The following USP34 variants were observed in gnomAD, a reference collection of about 807,000 sequenced individuals.
The protein encoded by USP34 is ubiquitin carboxyl-terminal hydrolase 34.
USP34 carries 70 observed loss-of-function variants against 460.3 expected under a neutral mutation model. The ratio of observed to expected loss-of-function variants is 0.15; its 90% CI spans 0.13 to 0.19. The LOEUF is 0.19. Among genes scored for constraint, USP34 ranks in the 10% least tolerant of loss-of-function variants. USP34 has a pLI of 1.00. For missense variants in USP34, 3,985 were observed against 4,236.2 expected (o/e 0.94, Z 1.65); for synonymous variants, 1,647 against 1,405.3 (o/e 1.17, Z -3.85).
At position 61,188,658 on chromosome 2, in the gene USP34, T is replaced by A; in HGVS notation, c.10085A>T (p.Glu3362Val). Residue 3362 changes from glutamate (E) to valine (V), a missense_variant, in exon 80 of 80, where the codon GAG becomes GTG. By Grantham distance (121) the Glu-to-Val change is moderately radical (BLOSUM62 -2). This residue lies in a region of USP34 where 506 missense variants were observed against 439.0 expected (regional missense o/e 1.15). Coordinates refer to ENST00000398571, the MANE Select transcript of USP34 (RefSeq NM_014709.4). ...IKRRRVSSDE[E>V]HTVDSCISDM... ...ACTGATGCAGCTGTCTACAGTGTGC[T>A]CCTCATCACTGCTAACACGCCGCCT... 6.2e-7 allele frequency: 1 copy of A among 1,614,142 alleles called. No homozygotes were observed. Among genetic ancestry groups the A allele is most frequent in the Non-Finnish European group, 8.5e-7 (1 of 1,180,002 alleles).
At chr2:61,451,208 G>A (rs1235177524) in intron 1 of USP34, among the ~76,000 whole-genome samples, 5 of 98,672 alleles carry the variant, frequency 5.1e-5, no homozygotes, top group South Asian at 2.9e-4. Context: ...GTGACAGTGT[G>A]AGGCTTCATC....
chr2:61,429,582 GCAC>G (rs745708970), intron 1 of USP34, among the ~76,000 whole-genome samples: 3 of 151,918 alleles, frequency 2.0e-5, no homozygotes, highest in East Asian at 1.9e-4. Context: ...AGCTATAATG[GCAC>G]CACATGACAG....
rs532714065 is a variant in USP34 at position 61,339,162 on chromosome 2, C to G, written c.2744+189G>C. On this transcript the variant is annotated intron_variant, in intron 18 of 79. Coordinates refer to ENST00000398571, the MANE Select transcript of USP34 (RefSeq NM_014709.4). ...GTGAAAGGTGCTGAAAAGAGCAACA[C>G]TGAGTGCTAAAATATGAACCATGTT... is the stretch of plus-strand genomic sequence containing the variant. Among the ~76,000 whole-genome samples the G allele has an allele frequency of 7.7e-4, 117 of 152,236 alleles. 1 individual carries two copies. The highest frequency in any genetic ancestry group is 2.5e-3 in the African/African-American group (103 of 41,550).
At chr2:61,422,868 T>C (rs1276261344) in intron 1 of USP34, among the ~76,000 whole-genome samples, 1 of 151,968 alleles carries the variant, frequency 6.6e-6, no homozygotes, top group Non-Finnish European at 1.5e-5. Flanking sequence ...GGCATGGTGG[T>C]GCACACCTCT....
chr2:61,375,717 C>T, intron 8 of USP34, among the ~76,000 whole-genome samples: 1 of 136,030 alleles, frequency 7.4e-6, no homozygotes, highest in Non-Finnish European at 1.5e-5. Flanking sequence ...TGCAGTGAGC[C>T]AAGATCGCGC....
At chr2:61,389,616 G>C (rs911116210) in intron 5 of USP34, among the ~76,000 whole-genome samples, 1 of 151,978 alleles carries the variant, frequency 6.6e-6, no homozygotes, top group Admixed American at 6.6e-5. Flanking sequence ...ATGCAACAGA[G>C]GTACAATTCA....
At chr2:61,377,846 T>C (rs950692081) in intron 8 of USP34, among the ~76,000 whole-genome samples, 7 of 152,258 alleles carry the variant, frequency 4.6e-5, no homozygotes, top group Admixed American at 2.0e-4. Flanking sequence ...GCTTTCATAC[T>C]GTGACAAATA....
rs142091277 is a variant in USP34, at chr2:61,364,392, C to G, written c.1251+5929G>C. Among the ~76,000 whole-genome samples the G allele has an allele frequency of 2.6e-3, 395 of 152,116 alleles. 1 individual carries two copies. Among genetic ancestry groups the G allele is most frequent in the African/African-American group, 9.3e-3 (387 of 41,474 alleles). On this transcript the variant is annotated intron_variant, in intron 10 of 79. Coordinates refer to ENST00000398571, the MANE Select transcript of USP34 (RefSeq NM_014709.4). ...AAAAAGGAATGTAAAACAGAAGAAA[C>G]CAGGGGCTGAAAGGACGAAGGAAAT...
chr2:61,345,703 C>G lies in USP34; in HGVS notation c.2286-1674G>C, dbSNP rs1004861271. ...AGGCTGAAGTGTAGTGGTGCAATCA[C>G]CACTCACTGCAGTCTTGATCTCCTG... On this transcript the variant is annotated intron_variant, in intron 15 of 79. Coordinates refer to ENST00000398571, the MANE Select transcript of USP34 (RefSeq NM_014709.4). 6.6e-5 allele frequency among the ~76,000 whole-genome samples: 10 copies of G among 152,156 alleles called. No individual in the cohort carries two copies. The South Asian group carries it at 2.1e-3, about 31-fold the overall frequency.
intron 48 of USP34, among the ~76,000 whole-genome samples, chr2:61,252,753 C>T (rs1196645532): frequency 1.3e-5 from 2 of 152,126 alleles, no homozygotes; most frequent in Non-Finnish European, 2.9e-5. Flanking sequence ...GAACTTCATC[C>T]TAACAATTCT....
chr2:61,380,508 A>G, intron 6 of USP34, 147 bp from the exon 7 acceptor site: 1 of 753,066 alleles, frequency 1.3e-6, no homozygotes, highest in Non-Finnish European at 2.1e-6. Flanking sequence ...GGCCCTGCCT[A>G]ATCTCTTTGG....
chr2:61,321,791 T>C (rs759913263), intron 21 of USP34, among the ~76,000 whole-genome samples: 7 of 152,148 alleles, frequency 4.6e-5, no homozygotes, highest in East Asian at 1.9e-4. Flanking sequence ...ATCCGTATAA[T>C]AGTAAAAATG....
In USP34 at chr2:61,395,082, T is replaced by C. The variant is rs185755244; in HGVS notation, c.604-80A>G. ...CTTAGCAATACTGGAAAGATACTGA[T>C]GAGAAACTCAAAAGACATATATAAA... On this transcript the variant is annotated intron_variant, in intron 4 of 79. Transcript: ENST00000398571. 7.8e-5 allele frequency: 115 copies of C among 1,473,794 alleles called. No individual in the cohort carries two copies. In the African/African-American group the frequency reaches 1.4e-3, roughly 18 times the overall value. The allele number at this position is 1,473,794 out of a possible 1,614,324, so 91.3% of individuals were successfully genotyped here.
intron 41 of USP34, among the ~76,000 whole-genome samples, chr2:61,273,376 G>A (rs945185652): frequency 6.6e-6 from 1 of 152,118 alleles, no homozygotes; most frequent in African/African-American, 2.4e-5. Context: ...TAAAGTTTAT[G>A]TGGAAAAATA....
intron 2 of USP34, chr2:61,417,286 G>A: frequency 3.6e-6 from 3 of 838,948 alleles, no homozygotes; most frequent in Non-Finnish European, 6.0e-6. Flanking sequence ...ACAACAAACA[G>A]GCCGCATACA....
Position 61,281,262 on chromosome 2 carries a change from C to A in USP34, c.4999-20G>T, listed in dbSNP as rs762030567. 10 of 1,602,242 alleles carry A rather than the reference C, an allele frequency of 6.2e-6. No individual in the cohort carries two copies. Among genetic ancestry groups the A allele is most frequent in the Non-Finnish European group, 8.5e-6 (10 of 1,175,340 alleles). On this transcript the variant is annotated intron_variant, in intron 37 of 79. Transcript: ENST00000398571. The stretch of plus-strand genomic sequence containing the variant: ...TGCAGTCTAGATGAAAAAGAAAGTT[C>A]CACAAACAGTGAGAGTTAGTATTAC...
chr2:61,265,987 G>C lies in USP34; in HGVS notation c.5614C>G (p.Gln1872Glu). 6.2e-7 allele frequency: 1 copy of C among 1,600,466 alleles called. No homozygotes were observed. The highest frequency in any genetic ancestry group is 8.5e-7 in the Non-Finnish European group (1 of 1,170,074). The change falls in exon 42 of 80, where the codon CAG becomes GAG. Residue 1872 changes from glutamine (Q) to glutamate (E), a missense_variant. Transcript: ENST00000398571. ...AAAGGAAAAGAAGAATGCTTACACT[G>C]CATGTGTTGTGCCATAACCCAGTTG... is the stretch of plus-strand genomic sequence containing the variant. ...IHNWVMAQHM[Q>E]SHAPYKWDYW...
intron 2 of USP34, among the ~76,000 whole-genome samples, chr2:61,407,698 T>C (rs774296624): frequency 2.0e-5 from 3 of 152,170 alleles, no homozygotes; most frequent in Admixed American, 1.3e-4. Context: ...ATAAAAGACA[T>C]TGTCACTTCT....
chr2:61,324,050 G>T (rs1691010696), intron 21 of USP34, among the ~76,000 whole-genome samples: 1 of 152,192 alleles, frequency 6.6e-6, no homozygotes, highest in South Asian at 2.1e-4. Flanking sequence ...ACGACTCCTA[G>T]CAAGACAGCC....
Sources: allele counts gnomAD v4.1 joint callset (sites outside exome capture counted in the v4.1 genomes callset), GRCh38; gene constraint gnomAD v4.1.1; regional missense constraint gnomAD v4.1.1; transcripts MANE v1.5; gene names NCBI Gene and HGNC (gene_info 2026-07-23, HGNC 2026-07-21).